COL4A2: variants seen among roughly 807,000 people sequenced by gnomAD.
COL4A2 encodes the protein collagen type IV alpha 2 chain.
Under a neutral mutation model 200.2 loss-of-function variants are expected in COL4A2, and 99 were observed. The ratio of observed to expected loss-of-function variants is 0.49; its 90% CI spans 0.42 to 0.58. The LOEUF is 0.58. Ranked by LOEUF, COL4A2 falls within the 20% of genes least tolerant of loss-of-function variation. COL4A2 has a pLI of 0.00. For synonymous variants in COL4A2, 897 were observed against 900.6 expected (o/e 1.00, Z 0.07); for missense variants, 1,950 against 2,314.1 (o/e 0.84, Z 3.23).
chr13:110,424,141 T>C (rs1165802624), intron 4 of COL4A2, among the ~76,000 whole-genome samples: 1 of 152,166 alleles, frequency 6.6e-6, no homozygotes, highest in African/African-American at 2.4e-5. Context: ...CCATTTCACA[T>C]GCCCACCAGC....
chr13:110,463,869 G>A (rs1882130045), intron 24 of COL4A2, among the ~76,000 whole-genome samples: 1 of 152,156 alleles, frequency 6.6e-6, no homozygotes. Flanking sequence ...GTTTTTTGGG[G>A]CCAGAGAACA....
At chr13:110,444,358 G>A (rs1475393014) in intron 16 of COL4A2, among the ~76,000 whole-genome samples, 2 of 152,210 alleles carry the variant, frequency 1.3e-5, no homozygotes, top group African/African-American at 2.4e-5. Flanking sequence ...CTGTGGCTGT[G>A]CTCACAGCTC....
chr13:110,503,515 G>C, intron 43 of COL4A2, 34 bp downstream of exon 43: 1 of 1,307,604 alleles, frequency 7.6e-7, no homozygotes, highest in South Asian at 1.4e-5. Flanking sequence ...AGAGCTAGTG[G>C]CTCAGCCCAG....
At chr13:110,394,706 G>T (rs1056613890) in intron 4 of COL4A2, among the ~76,000 whole-genome samples, 1 of 152,192 alleles carries the variant, frequency 6.6e-6, no homozygotes, top group African/African-American at 2.4e-5. Context: ...TGCTGGAGAG[G>T]TGGGCTCCTC....
intron 4 of COL4A2, among the ~76,000 whole-genome samples, chr13:110,387,032 G>A (rs975144090): frequency 9.9e-5 from 15 of 152,184 alleles, no homozygotes; most frequent in South Asian, 2.1e-4. Context: ...GAGGTCAGGA[G>A]TTCAAGACCA....
At chr13:110,359,874 T>C (rs1041658907) in intron 4 of COL4A2, among the ~76,000 whole-genome samples, 2 of 152,240 alleles carry the variant, frequency 1.3e-5, no homozygotes, top group Non-Finnish European at 2.9e-5. Context: ...CTCCACCTGC[T>C]GCATTCATCA....
At chr13:110,467,122 G>C (rs1444861510) in intron 27 of COL4A2, 26 bp downstream of exon 27, 50 of 1,613,592 alleles carry the variant, frequency 3.1e-5, no homozygotes, top group Non-Finnish European at 4.1e-5. Flanking sequence ...AACCTGGAGT[G>C]CACCCAGCCT....
At chr13:110,385,476 A>T (rs377354071) in intron 4 of COL4A2, among the ~76,000 whole-genome samples, 4 of 136,848 alleles carry the variant, frequency 2.9e-5, no homozygotes, top group African/African-American at 9.3e-5. Context: ...GGCCGTGGTT[A>T]CAGTGTGTGG....
chr13:110,476,925 T>G (rs1427825615), intron 29 of COL4A2, among the ~76,000 whole-genome samples: 1 of 152,222 alleles, frequency 6.6e-6, no homozygotes, highest in African/African-American at 2.4e-5. Flanking sequence ...GTTAGTATCC[T>G]GCATGTGGAA....
intron 3 of COL4A2, among the ~76,000 whole-genome samples, chr13:110,314,222 C>G (rs1360035620): frequency 1.3e-5 from 2 of 152,156 alleles, no homozygotes; most frequent in Non-Finnish European, 2.9e-5. Context: ...TACAGGGACT[C>G]TCTGTACTAT....
At chr13:110,436,774 G>A (rs977215702) in intron 13 of COL4A2, among the ~76,000 whole-genome samples, 3 of 152,148 alleles carry the variant, frequency 2.0e-5, no homozygotes, top group Non-Finnish European at 4.4e-5. Flanking sequence ...CCTTTTTGGA[G>A]GTTCAAAGTC....
intron 3 of COL4A2, among the ~76,000 whole-genome samples, chr13:110,335,223 C>G (rs1566479059): frequency 6.6e-6 from 1 of 152,122 alleles, no homozygotes; most frequent in Non-Finnish European, 1.5e-5. Flanking sequence ...ACAGGCGACT[C>G]CTGAGTTCTC....
intron 3 of COL4A2, among the ~76,000 whole-genome samples, chr13:110,344,228 C>T (rs1451548962): frequency 6.6e-6 from 1 of 152,102 alleles, no homozygotes. Context: ...ACATTGATGG[C>T]CTCTTGAACA....
At chr13:110,419,121 C>T (rs1487069569) in intron 4 of COL4A2, among the ~76,000 whole-genome samples, 1 of 152,196 alleles carries the variant, frequency 6.6e-6, no homozygotes, top group Non-Finnish European at 1.5e-5. Flanking sequence ...CTGGAACACA[C>T]TGCGGAAGGG....
At chr13:110,384,474 T>C (rs1361466811) in intron 4 of COL4A2, among the ~76,000 whole-genome samples, 2 of 152,226 alleles carry the variant, frequency 1.3e-5, no homozygotes, top group African/African-American at 2.4e-5. Context: ...TCAGATGGAC[T>C]CTTGCGGGCC....
At chr13:110,470,842 T>C (rs1882443926) in intron 28 of COL4A2, among the ~76,000 whole-genome samples, 1 of 152,172 alleles carries the variant, frequency 6.6e-6, no homozygotes, top group Admixed American at 6.5e-5. Flanking sequence ...TTTCGGAATT[T>C]TGTGTTGCAG....
chr13:110,465,470 T>C lies in COL4A2; in HGVS notation c.1842T>C (p.Thr614=). The change falls in exon 25 of 48, where the codon ACT becomes ACC. Residue 614 remains threonine, a synonymous_variant. Coordinates refer to ENST00000360467, the MANE Select transcript of COL4A2 (RefSeq NM_001846.4). Reference sequence around the variant, plus strand: ...CAGGAATACCTGGAACGAAGGGTACTCCAGGAGAAATGGGCCCCCCAGGAC... The same window carrying C: ...CAGGAATACCTGGAACGAAGGGTACCCCAGGAGAAATGGGCCCCCCAGGAC... The part of the protein sequence containing the change: ...GYPGIPGTKG[T]PGEMGPPGLG... The C allele has an allele frequency of 6.2e-7, 1 of 1,613,986 alleles. No homozygotes were observed.
intron 29 of COL4A2, among the ~76,000 whole-genome samples, chr13:110,475,797 A>G (rs1349723564): frequency 1.3e-5 from 2 of 152,256 alleles, no homozygotes; most frequent in African/African-American, 4.8e-5. Flanking sequence ...CTCGGAATGA[A>G]GTAATGCAGA....
At chr13:110,347,345 G>C (rs375610129) in intron 3 of COL4A2, among the ~76,000 whole-genome samples, 2 of 152,198 alleles carry the variant, frequency 1.3e-5, no homozygotes, top group East Asian at 1.9e-4. Context: ...GGCTCGGGGG[G>C]CTGAGTTACA....
Sources: gnomAD v4.1 joint callset for allele counts (sites outside exome capture counted in the v4.1 genomes callset) on GRCh38, gnomAD v4.1.1 for gene constraint, MANE v1.5 for transcripts, NCBI Gene and HGNC (gene_info 2026-07-23, HGNC 2026-07-21) for gene names.